The following PARD3B variants were observed in gnomAD, a reference collection of about 807,000 sequenced individuals.
PARD3B encodes the protein par-3 family cell polarity regulator beta, also known as partitioning defective 3 homolog B.
A neutral mutation model predicts 130.2 loss-of-function variants in PARD3B; 103 were observed. The observed-to-expected ratio is 0.79, with a 90% confidence interval of 0.67 to 0.93. The LOEUF is 0.93. Among genes scored for constraint, PARD3B ranks in the 40% least tolerant of loss-of-function variants. The pLI is 0.00. For missense variants in PARD3B, 1,609 were observed against 1,499.2 expected, an observed-to-expected ratio of 1.07 and a Z score of -1.21; for synonymous variants, 583 against 553.2, an observed-to-expected ratio of 1.05 and a Z score of -0.76.
In PARD3B at chr2:204,545,745, A is replaced by C; in HGVS notation, c.-255A>C. On this transcript the variant is annotated 5_prime_UTR_variant, in exon 1 of 23. Coordinates refer to ENST00000406610, the MANE Select transcript of PARD3B (RefSeq NM_001302769.2). ...GGAGGAGGAGGAGCCGGTGCCGCGGAGCTGCCGCGTCCCGGGCCGCCGGGC... is the reference window on the plus strand; with the variant it reads ...GGAGGAGGAGGAGCCGGTGCCGCGGCGCTGCCGCGTCCCGGGCCGCCGGGC... 2.8e-6 allele frequency: 1 copy of C among 362,966 alleles called. No homozygotes were observed. The highest frequency in any genetic ancestry group is 4.9e-6 in the Non-Finnish European group (1 of 203,314). 22.5% of individuals were successfully genotyped at this position (362,966 alleles called of 1,614,324 possible).
chr2:205,210,796 A>C (rs1039094425), intron 15 of PARD3B, among the ~76,000 whole-genome samples: 1 of 152,060 alleles, frequency 6.6e-6, no homozygotes, highest in Non-Finnish European at 1.5e-5. Context: ...TTCTGTGGTT[A>C]AACCTCTCCC....
In PARD3B at chr2:205,461,752, G is replaced by A. The variant is rs2048461272; in HGVS notation, c.3044+21080G>A. ...GAGTTTCTGATTCAATAGGTCTGGG[G>A]TGGGACCCTACAATTTGCATTTCTA... is the stretch of plus-strand genomic sequence containing the variant. On this transcript the variant is annotated intron_variant, in intron 20 of 22. Transcript: ENST00000406610. The surrounding 1 kb of genome is among the most constrained non-coding windows in gnomAD (Gnocchi z 4.3). 6.6e-6 allele frequency among the ~76,000 whole-genome samples: 1 copy of A among 152,068 alleles called. No individual in the cohort carries two copies. Among genetic ancestry groups the A allele is most frequent in the East Asian group, 1.9e-4 (1 of 5,178 alleles).
intron 2 of PARD3B, among the ~76,000 whole-genome samples, chr2:204,954,217 G>A (rs1690045443): frequency 6.6e-6 from 1 of 152,208 alleles, no homozygotes; most frequent in South Asian, 2.1e-4. Flanking sequence ...GACAGAAGGA[G>A]TTCAGCAGCT....
At position 204,580,199 on chromosome 2, in the gene PARD3B, A is replaced by G. The variant is rs76602700; in HGVS notation, c.120+34080A>G. ...AGACAGAAGTAGAGAGCTTCCTTCT[A>G]AAGAGAGAGGGGAAAGAGTGGGAGG... On this transcript the variant is annotated intron_variant, in intron 1 of 22. Transcript: ENST00000406610. 1.4e-3 allele frequency among the ~76,000 whole-genome samples: 210 copies of G among 152,326 alleles called. 4 individuals are homozygous for G. The East Asian group carries it at 0.037, about 27-fold the overall frequency.
chr2:204,809,360 T>A (rs1255371879), intron 2 of PARD3B, among the ~76,000 whole-genome samples: 1 of 152,220 alleles, frequency 6.6e-6, no homozygotes, highest in East Asian at 1.9e-4. Context: ...AGTTTCTATG[T>A]TCAGAATGAT....
intron 16 of PARD3B, among the ~76,000 whole-genome samples, chr2:205,289,868 AG>A (rs201212379): frequency 0.095 from 14,428 of 152,202 alleles, 767 homozygotes; most frequent in Middle Eastern, 0.11. Context: ...GACTCTGCAG[AG>A]AGTCCCCACC....
At chr2:204,954,121 A>G (rs1339445591) in intron 2 of PARD3B, among the ~76,000 whole-genome samples, 2 of 152,172 alleles carry the variant, frequency 1.3e-5, no homozygotes, top group Non-Finnish European at 2.9e-5. Flanking sequence ...GTCAGCACCC[A>G]TCCCAGCAGG....
intron 2 of PARD3B, among the ~76,000 whole-genome samples, chr2:204,820,304 C>T (rs1466777479): frequency 4.6e-5 from 7 of 151,256 alleles, no homozygotes. Flanking sequence ...CTTGAACTCC[C>T]GACCTTAAGT....
intron 10 of PARD3B, among the ~76,000 whole-genome samples, chr2:205,154,541 A>C (rs981432533): frequency 6.6e-6 from 1 of 152,258 alleles, no homozygotes; most frequent in Non-Finnish European, 1.5e-5. Context: ...CAATCCCATT[A>C]CTGGGTATAT....
chr2:205,329,477 T>C (rs2043039249), intron 18 of PARD3B, among the ~76,000 whole-genome samples: 1 of 152,138 alleles, frequency 6.6e-6, no homozygotes, highest in South Asian at 2.1e-4. Flanking sequence ...TAAGATAAAA[T>C]ATTAGATCAC....
rs148410096 is a variant in PARD3B at position 205,006,916 on chromosome 2, G to A, written c.395-40665G>A. Among the ~76,000 whole-genome samples, 565 of 152,148 alleles carry A rather than the reference G, an allele frequency of 3.7e-3. 2 individuals are homozygous for A. The highest frequency in any genetic ancestry group is 0.012 in the African/African-American group (512 of 41,518). On this transcript the variant is annotated intron_variant, in intron 3 of 22. Coordinates refer to ENST00000406610, the MANE Select transcript of PARD3B (RefSeq NM_001302769.2). ...CCAATGTCCAGAAGCATTTTCCGACGTTATCTTCTAGAATTTTTATGGTTT... is the reference window on the plus strand; with the variant it reads ...CCAATGTCCAGAAGCATTTTCCGACATTATCTTCTAGAATTTTTATGGTTT...
chr2:205,575,423 T>A lies in PARD3B; in HGVS notation c.3260+22020T>A, dbSNP rs1239997387. ...GTTTACATTAGCGCTCTCTCGGTGT[T>A]GTTCATTCTGTGGGTTTGGACAAGT... On this transcript the variant is annotated intron_variant, in intron 22 of 22. Transcript: ENST00000406610. The surrounding 1 kb of genome is among the most constrained non-coding windows in gnomAD (Gnocchi z 4.6). 6.6e-6 allele frequency among the ~76,000 whole-genome samples: 1 copy of A among 152,056 alleles called. No homozygotes were observed. Among genetic ancestry groups the A allele is most frequent in the Non-Finnish European group, 1.5e-5 (1 of 68,014 alleles).
chr2:205,528,045 T>TA (rs1046800393), intron 21 of PARD3B, among the ~76,000 whole-genome samples: 2 of 152,180 alleles, frequency 1.3e-5, no homozygotes, highest in African/African-American at 4.8e-5. Context: ...AGCCAGCTAT[T>TA]ATAGTCAGCA....
intron 2 of PARD3B, among the ~76,000 whole-genome samples, chr2:204,955,306 A>G (rs1559296568): frequency 2.6e-5 from 4 of 152,234 alleles, no homozygotes; most frequent in Non-Finnish European, 1.5e-5. Flanking sequence ...CCACCAGGAG[A>G]CAAGGTTGGA....
At chr2:205,042,076 C>T (rs900582355) in intron 3 of PARD3B, among the ~76,000 whole-genome samples, 5 of 152,138 alleles carry the variant, frequency 3.3e-5, no homozygotes, top group African/African-American at 1.2e-4. Flanking sequence ...TTATATCTTG[C>T]ATGATTCATT....
chr2:205,102,223 TGTG>T, intron 4 of PARD3B, among the ~76,000 whole-genome samples: 1 of 152,158 alleles, frequency 6.6e-6, no homozygotes, highest in Non-Finnish European at 1.5e-5. Flanking sequence ...TTTATTAAGT[TGTG>T]GGATAATTTA....
At chr2:205,571,681 C>T (rs768727104) in intron 22 of PARD3B, among the ~76,000 whole-genome samples, 3 of 152,088 alleles carry the variant, frequency 2.0e-5, no homozygotes, top group Admixed American at 6.6e-5. Flanking sequence ...GGCTCTCCAT[C>T]GAGAAGAGCA....
chr2:205,343,280 C>T (rs1426759482), intron 18 of PARD3B, among the ~76,000 whole-genome samples: 2 of 152,170 alleles, frequency 1.3e-5, no homozygotes, highest in African/African-American at 2.4e-5. Flanking sequence ...TCTCTGGCAC[C>T]TTCCCCAGCT....
chr2:205,185,056 A>G (rs571485227), intron 13 of PARD3B, among the ~76,000 whole-genome samples: 2 of 152,330 alleles, frequency 1.3e-5, no homozygotes, highest in East Asian at 3.9e-4. Context: ...TCTGCTGTAT[A>G]ATAAGATCTC....
Sources: gnomAD v4.1 joint callset for allele counts (sites outside exome capture counted in the v4.1 genomes callset) on GRCh38, gnomAD v4.1.1 for gene constraint, Gnocchi (gnomAD v3.1) non-coding constraint, MANE v1.5 for transcripts, NCBI Gene and HGNC (gene_info 2026-07-23, HGNC 2026-07-21) for gene names.